PUM1: variants seen among roughly 807,000 people sequenced by gnomAD.
The protein encoded by PUM1 is pumilio homolog 1.
Under a neutral mutation model 131.8 loss-of-function variants are expected in PUM1, and 13 were observed. The ratio of observed to expected loss-of-function variants is 0.10; its 90% CI spans 0.06 to 0.16. PUM1 has a LOEUF of 0.16. PUM1 is among the 10% of genes least tolerant of loss of function. PUM1 has a pLI of 1.00. For synonymous variants in PUM1, 509 were observed against 556.5 expected, an observed-to-expected ratio of 0.91 and a Z score of 1.20; for missense variants, 961 against 1,512.4, an observed-to-expected ratio of 0.64 and a Z score of 6.05.
intron 5 of PUM1, among the ~76,000 whole-genome samples, chr1:30,999,606 CAAAAAAAAAAAAAAAAAAAAAAAAAAAAA>C (rs56936440): frequency 3.7e-5 from 2 of 53,956 alleles, no homozygotes; most frequent in Non-Finnish European, 6.8e-5. Context: ...GACTCTGTCT[CAAAAAAAAAAAAAAAAAAAAAAAAAAAAA>C]AAAAAAAAGG....
chr1:30,966,419 TC>T (rs1388586724), intron 12 of PUM1, 141 bp from the exon 13 acceptor site: 3 of 794,834 alleles, frequency 3.8e-6, no homozygotes, highest in Non-Finnish European at 5.8e-6. Context: ...CTGTCTTTGA[TC>T]CCTTCATATG....
intron 3 of PUM1, among the ~76,000 whole-genome samples, chr1:31,007,842 A>T (rs1642448170): frequency 6.6e-6 from 1 of 152,256 alleles, no homozygotes; most frequent in Non-Finnish European, 1.5e-5. Flanking sequence ...CAACAAAAAA[A>T]TGCAAAGTAC....
intron 14 of PUM1, among the ~76,000 whole-genome samples, chr1:30,957,688 C>T (rs992721489): frequency 3.9e-5 from 6 of 152,190 alleles, no homozygotes; most frequent in Admixed American, 2.0e-4. Context: ...ATGTCATGCC[C>T]ATGCTACGTC....
chr1:31,056,543 A>G (rs1156350996), intron 2 of PUM1, among the ~76,000 whole-genome samples: 3 of 149,616 alleles, frequency 2.0e-5, no homozygotes, highest in African/African-American at 4.9e-5. Flanking sequence ...TTGACCTCCC[A>G]AAGTGTTGAG....
intron 3 of PUM1, among the ~76,000 whole-genome samples, chr1:31,008,658 T>G (rs1642481989): frequency 6.6e-6 from 1 of 152,070 alleles, no homozygotes; most frequent in Admixed American, 6.5e-5. Context: ...TTTTTATTGA[T>G]GAAGAAAATA....
intron 7 of PUM1, among the ~76,000 whole-genome samples, chr1:30,989,571 C>CAAAAAAAAAAAAAAAAAAAA (rs1174565063): frequency 7.2e-5 from 2 of 27,704 alleles, no homozygotes; most frequent in African/African-American, 2.7e-4. Flanking sequence ...GACTCCGTCT[C>CAAAAAAAAAAAAAAAAAAAA]AAAAAAAAAA....
At chr1:30,974,273 C>G (rs1641048199) in intron 10 of PUM1, among the ~76,000 whole-genome samples, 1 of 152,170 alleles carries the variant, frequency 6.6e-6, no homozygotes, top group Non-Finnish European at 1.5e-5. Flanking sequence ...GTCTAAAAAT[C>G]TAGTACCCCT....
At chr1:30,935,575 G>A in intron 21 of PUM1, 1 of 435,066 alleles carries the variant, frequency 2.3e-6, no homozygotes, top group South Asian at 1.6e-5. Flanking sequence ...CCAGCATCCT[G>A]AAAACTTACA....
chr1:30,942,151 G>T, intron 18 of PUM1, 28 bp from the exon 19 acceptor site: 2 of 1,403,810 alleles, frequency 1.4e-6, no homozygotes, highest in Admixed American at 1.9e-5. Flanking sequence ...CAAATGAGAA[G>T]CAAAAATGAC....
In PUM1 at chr1:31,014,074, G is replaced by A. The variant is rs371466906; in HGVS notation, c.433-6972C>T. 1.6e-4 allele frequency among the ~76,000 whole-genome samples: 24 copies of A among 152,244 alleles called. No homozygotes were observed. In the East Asian group the frequency reaches 3.7e-3, roughly 23 times the overall value. On this transcript the variant is annotated intron_variant, in intron 3 of 21. Coordinates refer to ENST00000426105, the MANE Select transcript of PUM1 (RefSeq NM_001020658.2). ...CCCAGCACTTTGGGAGGTGAGGCAG[G>A]AGGATAGCTTGAGTCTAGGAGTTAA...
intron 14 of PUM1, among the ~76,000 whole-genome samples, chr1:30,960,253 T>C (rs1029025851): frequency 2.6e-5 from 4 of 152,344 alleles, no homozygotes; most frequent in East Asian, 3.9e-4. Flanking sequence ...CATCCTAATA[T>C]GAAAATCAAA....
chr1:31,041,389 T>A (rs1185409805), intron 2 of PUM1, among the ~76,000 whole-genome samples: 2 of 151,768 alleles, frequency 1.3e-5, no homozygotes, highest in African/African-American at 4.8e-5. Context: ...AAAGTAAATT[T>A]TTTTTTTAAA....
intron 2 of PUM1, among the ~76,000 whole-genome samples, chr1:31,040,309 A>G (rs911244334): frequency 6.6e-6 from 1 of 152,198 alleles, no homozygotes; most frequent in African/African-American, 2.4e-5. Flanking sequence ...TAAAGCTTCA[A>G]TGAGATGTGT....
intron 3 of PUM1, among the ~76,000 whole-genome samples, chr1:31,021,029 T>A (rs1187984849): frequency 6.6e-6 from 1 of 152,204 alleles, no homozygotes; most frequent in Non-Finnish European, 1.5e-5. Flanking sequence ...ACTGTATATA[T>A]AATGAGGATA....
chr1:31,052,668 T>C (rs1381011186), intron 2 of PUM1, among the ~76,000 whole-genome samples: 1 of 151,570 alleles, frequency 6.6e-6, no homozygotes, highest in African/African-American at 2.4e-5. Context: ...TACCCAGCTT[T>C]ATTTTCTAGT....
At chr1:30,967,061 G>A (rs1015975989) in intron 12 of PUM1, 106 bp downstream of exon 12, 27 of 1,353,606 alleles carry the variant, frequency 2.0e-5, no homozygotes, top group Non-Finnish European at 2.3e-5. Context: ...GGGTAGAACC[G>A]ATATACTGAG....
intron 2 of PUM1, chr1:31,055,292 C>G (rs1230739817): frequency 4.4e-6 from 2 of 454,860 alleles, no homozygotes; most frequent in Non-Finnish European, 8.8e-6. Flanking sequence ...GATGACTGAG[C>G]TGTAAGACCC....
At chr1:30,984,258 A>G (rs1348927759) in intron 7 of PUM1, among the ~76,000 whole-genome samples, 1 of 152,268 alleles carries the variant, frequency 6.6e-6, no homozygotes, top group Non-Finnish European at 1.5e-5. Context: ...AACAGATTAC[A>G]GCAATTTTGG....
intron 2 of PUM1, among the ~76,000 whole-genome samples, chr1:31,057,435 A>G (rs1222891295): frequency 6.7e-6 from 1 of 149,090 alleles, no homozygotes; most frequent in Non-Finnish European, 1.5e-5. Context: ...AAAAGAAAAA[A>G]AAAAAAGGGC....
Sources: gnomAD v4.1 joint callset for allele counts (sites outside exome capture counted in the v4.1 genomes callset) on GRCh38, gnomAD v4.1.1 for gene constraint, MANE v1.5 for transcripts, NCBI Gene and HGNC (gene_info 2026-07-23, HGNC 2026-07-21) for gene names.